The following VPS13D variants were observed in gnomAD, a reference collection of about 807,000 sequenced individuals.
VPS13D encodes the protein vacuolar protein sorting 13 homolog D, also known as intermembrane lipid transfer protein VPS13D.
A neutral mutation model predicts 461.9 loss-of-function variants in VPS13D; 187 were observed. The observed-to-expected ratio is 0.40, with a 90% confidence interval of 0.36 to 0.46. The LOEUF (loss-of-function observed/expected upper bound fraction) is 0.46. Among genes scored for constraint, VPS13D ranks in the 20% least tolerant of loss-of-function variants. The pLI, the probability that VPS13D is intolerant of heterozygous loss-of-function variation, is 0.60. For synonymous variants in VPS13D, 1,951 were observed against 1,986.3 expected (o/e 0.98, Z 0.47); for missense variants, 4,711 against 5,364.9 (o/e 0.88, Z 3.81).
At chr1:12,272,337 CAAGTAAAAT>C (rs950572535) in intron 17 of VPS13D, among the ~76,000 whole-genome samples, 3 of 151,574 alleles carry the variant, frequency 2.0e-5, no homozygotes, top group African/African-American at 7.3e-5. Flanking sequence ...AGAAATGATC[CAAGTAAAAT>C]GTGGTGTGTA....
intron 67 of VPS13D, among the ~76,000 whole-genome samples, chr1:12,468,219 C>T (rs190447296): frequency 1.7e-4 from 26 of 152,210 alleles, no homozygotes; most frequent in African/African-American, 4.1e-4. Context: ...AAAAATAAAA[C>T]GGTGTCTATT....
At chr1:12,288,436 T>C in intron 22 of VPS13D, 123 bp downstream of exon 22, 1 of 826,436 alleles carries the variant, frequency 1.2e-6, no homozygotes, top group Non-Finnish European at 2.0e-6. Flanking sequence ...ATTGTGGTTA[T>C]TAGTCTGGCC....
rs115588096 is a variant in VPS13D, at chr1:12,259,675, G to A, written c.1111-1018G>A. The stretch of plus-strand genomic sequence containing the variant: ...AAAATCTTATTTACAACTGAGATGA[G>A]CAAGTAAAGACGTAAAATCTCCTTT... On this transcript the variant is annotated intron_variant, in intron 10 of 69. Transcript: ENST00000620676. 5.9e-3 allele frequency among the ~76,000 whole-genome samples: 905 copies of A among 152,288 alleles called. 5 individuals carry two copies. Among genetic ancestry groups the A allele is most frequent in the African/African-American group, 0.021 (866 of 41,560 alleles).
At position 12,354,116 on chromosome 1, in the gene VPS13D, T is replaced by C. The variant is rs777542240; in HGVS notation, c.9574T>C (p.Cys3192Arg). 1 of 1,614,224 alleles carries C rather than the reference T, an allele frequency of 6.2e-7. No homozygotes were observed. The highest frequency in any genetic ancestry group is 1.7e-5 in the Admixed American group (1 of 60,034). Reference sequence around the variant, plus strand: ...TGTGGTAATCTGCAACTTGCTACCCTGTGAACTTGATTTTTATGTTAAAGG... The same window carrying C: ...TGTGGTAATCTGCAACTTGCTACCCCGTGAACTTGATTTTTATGTTAAAGG... ...PTVVICNLLP[C>R]ELDFYVKGMP... is the part of the protein sequence containing the mutation. The change falls in exon 47 of 70, where the codon TGT becomes CGT. Residue 3192 changes from cysteine (C) to arginine (R), a missense_variant. Around this residue, in one of 3 missense-constraint regions of VPS13D, gnomAD observed 4,411 missense variants for 4,937.8 expected, o/e 0.89. Coordinates refer to ENST00000620676, the MANE Select transcript of VPS13D (RefSeq NM_015378.4).
intron 13 of VPS13D, among the ~76,000 whole-genome samples, chr1:12,264,120 T>C (rs529865743): frequency 6.6e-6 from 1 of 152,230 alleles, no homozygotes; most frequent in Non-Finnish European, 1.5e-5. Flanking sequence ...TTTGGAGTGC[T>C]ATGAACCATG....
rs775979521 is a variant in VPS13D at position 12,276,382 on chromosome 1, A to G, written c.2794A>G (p.Met932Val). 4.3e-6 allele frequency: 7 copies of G among 1,614,090 alleles called. No homozygotes were observed. The East Asian group carries it at 1.1e-4, about 26-fold the overall frequency. The change falls in exon 19 of 70, where the codon ATG becomes GTG. Residue 932 changes from methionine (M) to valine (V), a missense_variant. Met to Val is a conservative substitution (Grantham distance 21, BLOSUM62 1). Transcript: ENST00000620676. This position sits in a 1 kb window ranked among gnomAD's most constrained non-coding sequence, Gnocchi z 4.5. The part of the protein sequence containing the change: ...EQRGSLQDSV[M>V]NLTQSIVLLE... ...GCGGGGAAGTTTGCAAGACTCCGTA[A>G]TGAATTTAACCCAGAGCATTGTGTT...
rs1212485567 is a variant in VPS13D, at chr1:12,291,051, AC to A, written c.5780del (p.Thr1927AsnfsTer41). ...SIGSLSLSDL[T>X]CHGEFYRERF... ...TGGGAGTCTGTCTCTAAGTGACCTC[AC>A]ATGCCATGGAGAGTTCTACAGAGAA... On this transcript the variant is annotated frameshift_variant, in exon 23 of 70. Transcript: ENST00000620676. LOFTEE classifies it high-confidence loss of function. 6.2e-7 allele frequency: 1 copy of A among 1,613,964 alleles called. No individual in the cohort carries two copies. The highest frequency in any genetic ancestry group is 1.3e-5 in the African/African-American group (1 of 74,924).
chr1:12,302,832 CTTT>C (rs60602915), intron 25 of VPS13D, among the ~76,000 whole-genome samples: 10 of 121,092 alleles, frequency 8.3e-5, no homozygotes, highest in Non-Finnish European at 8.9e-5. Context: ...AAAAGAATTC[CTTT>C]TTTTTTTTTT....
chr1:12,404,977 C>G (rs1207517850), intron 63 of VPS13D, among the ~76,000 whole-genome samples: 3 of 152,238 alleles, frequency 2.0e-5, no homozygotes, highest in Non-Finnish European at 4.4e-5. Context: ...TCTCACTGCC[C>G]CATGCTGCCT....
At chr1:12,456,276 A>T in intron 66 of VPS13D, 146 bp downstream of exon 66, 1 of 1,246,012 alleles carries the variant, frequency 8.0e-7, no homozygotes, top group Non-Finnish European at 1.1e-6. Flanking sequence ...GGCCTAGGAG[A>T]GTGGATCATG....
chr1:12,459,588 C>T (rs1645380314), intron 66 of VPS13D, among the ~76,000 whole-genome samples: 2 of 151,462 alleles, frequency 1.3e-5, no homozygotes, highest in African/African-American at 2.4e-5. Context: ...AAGCAATTCT[C>T]CTGCCTTAGC....
At chr1:12,442,068 A>G (rs1391626243) in intron 65 of VPS13D, among the ~76,000 whole-genome samples, 1 of 152,116 alleles carries the variant, frequency 6.6e-6, no homozygotes, top group East Asian at 1.9e-4. Flanking sequence ...ATCTCTACAC[A>G]TATTTATCCT....
At chr1:12,429,543 C>T (rs1214113507) in intron 65 of VPS13D, among the ~76,000 whole-genome samples, 8 of 152,212 alleles carry the variant, frequency 5.3e-5, no homozygotes, top group South Asian at 2.1e-4. Flanking sequence ...CCACCCACCT[C>T]GGCCTCCCAA....
At chr1:12,465,933 G>A (rs1645476786) in intron 67 of VPS13D, among the ~76,000 whole-genome samples, 1 of 152,052 alleles carries the variant, frequency 6.6e-6, no homozygotes, top group Non-Finnish European at 1.5e-5. Context: ...TCAAGAGATC[G>A]AGACCATTCT....
chr1:12,323,631 T>C, intron 34 of VPS13D, 75 bp from the exon 35 acceptor site: 1 of 1,451,390 alleles, frequency 6.9e-7, no homozygotes, highest in East Asian at 2.4e-5. Context: ...ATTTCTTTTC[T>C]TTTTTTCTAA....
At chr1:12,292,588 C>T (rs1642166597) in intron 23 of VPS13D, among the ~76,000 whole-genome samples, 2 of 151,880 alleles carry the variant, frequency 1.3e-5, no homozygotes, top group African/African-American at 4.8e-5. Context: ...CACAGGCATG[C>T]ACCATCACAC....
chr1:12,414,144 C>T (rs1037243223), intron 63 of VPS13D, among the ~76,000 whole-genome samples: 3 of 152,020 alleles, frequency 2.0e-5, no homozygotes, highest in African/African-American at 7.3e-5. Context: ...ATTAGCTGGG[C>T]ATGGTAGTTT....
chr1:12,487,562 G>A, intron 67 of VPS13D, among the ~76,000 whole-genome samples: 1 of 146,624 alleles, frequency 6.8e-6, no homozygotes, highest in African/African-American at 2.5e-5. Flanking sequence ...AGTGAGCCGA[G>A]ATCACACCAC....
intron 67 of VPS13D, among the ~76,000 whole-genome samples, chr1:12,490,640 C>G (rs765371905): frequency 6.6e-6 from 1 of 151,722 alleles, no homozygotes; most frequent in Non-Finnish European, 1.5e-5. Flanking sequence ...ATGGTGGGAG[C>G]TACAGATCTG....
Sources: gnomAD v4.1 joint callset for allele counts (sites outside exome capture counted in the v4.1 genomes callset) on GRCh38, gnomAD v4.1.1 for gene constraint, gnomAD v4.1.1 regional missense constraint, Gnocchi (gnomAD v3.1) non-coding constraint, MANE v1.5 for transcripts, NCBI Gene and HGNC (gene_info 2026-07-23, HGNC 2026-07-21) for gene names.